NXPH1: variants seen among roughly 807,000 people sequenced by gnomAD.
The protein encoded by NXPH1 is neurexophilin-1.
Under a neutral mutation model 23.7 loss-of-function variants are expected in NXPH1, and 5 were observed. The ratio of observed to expected loss-of-function variants is 0.21; its 90% CI spans 0.11 to 0.44. NXPH1 has a LOEUF of 0.44. Among genes scored for constraint, NXPH1 ranks in the 20% least tolerant of loss-of-function variants. NXPH1 has a pLI of 0.99. For missense variants in NXPH1, 324 were observed against 321.6 expected, an observed-to-expected ratio of 1.01 and a Z score of -0.06; for synonymous variants, 144 against 122.2, an observed-to-expected ratio of 1.18 and a Z score of -1.18.
intron 2 of NXPH1, among the ~76,000 whole-genome samples, chr7:8,700,174 T>C (rs928644429): frequency 1.8e-4 from 27 of 152,278 alleles, no homozygotes; most frequent in African/African-American, 6.3e-4. Flanking sequence ...TGTAAACTCT[T>C]CCTATTTAGG....
intron 2 of NXPH1, among the ~76,000 whole-genome samples, chr7:8,656,964 AT>A (rs1212617540): frequency 6.6e-6 from 1 of 152,062 alleles, no homozygotes; most frequent in Non-Finnish European, 1.5e-5. Context: ...TGGATTTTTT[AT>A]TTTGGTCCTC....
At chr7:8,559,367 G>A (rs890326686) in intron 2 of NXPH1, among the ~76,000 whole-genome samples, 15 of 151,690 alleles carry the variant, frequency 9.9e-5, no homozygotes, top group Admixed American at 3.9e-4. Context: ...TAGAAGATCT[G>A]TATTTACAAT....
chr7:8,587,119 C>A (rs548431824), intron 2 of NXPH1, among the ~76,000 whole-genome samples: 1 of 152,052 alleles, frequency 6.6e-6, no homozygotes, highest in African/African-American at 2.4e-5. Context: ...TTCAAAATGA[C>A]ATTTCATTTC....
intron 2 of NXPH1, among the ~76,000 whole-genome samples, chr7:8,725,804 A>ATT (rs34868585): frequency 6.6e-6 from 1 of 151,082 alleles, no homozygotes; most frequent in Admixed American, 6.6e-5. Context: ...ATCTTTACCT[A>ATT]TTTTTTTTTA....
chr7:8,718,139 A>T (rs1779908363), intron 2 of NXPH1, among the ~76,000 whole-genome samples: 1 of 152,130 alleles, frequency 6.6e-6, no homozygotes, highest in South Asian at 2.1e-4. Flanking sequence ...CTCTCTCAAC[A>T]TAGAGTATTT....
chr7:8,725,547 T>C (rs1031929307), intron 2 of NXPH1, among the ~76,000 whole-genome samples: 2 of 152,128 alleles, frequency 1.3e-5, no homozygotes, highest in South Asian at 2.1e-4. Context: ...GATGTGTTTT[T>C]ACCACTTCTT....
chr7:8,547,982 T>C (rs1450175123), intron 2 of NXPH1, among the ~76,000 whole-genome samples: 1 of 151,598 alleles, frequency 6.6e-6, no homozygotes, highest in Non-Finnish European at 1.5e-5. Flanking sequence ...TATGATTTAT[T>C]TTCCTTTGGG....
intron 2 of NXPH1, among the ~76,000 whole-genome samples, chr7:8,668,838 G>A (rs1820821996): frequency 6.6e-6 from 1 of 152,108 alleles, no homozygotes; most frequent in African/African-American, 2.4e-5. Context: ...GGGTTCATGA[G>A]GGCTACCCTA....
intron 2 of NXPH1, among the ~76,000 whole-genome samples, chr7:8,629,932 C>T (rs988062888): frequency 7.9e-5 from 12 of 152,158 alleles, no homozygotes; most frequent in African/African-American, 2.6e-4. Flanking sequence ...ATATTCTTGG[C>T]CTGAATAGCT....
intron 2 of NXPH1, among the ~76,000 whole-genome samples, chr7:8,539,162 G>A (rs1818072577): frequency 6.6e-6 from 1 of 151,826 alleles, no homozygotes; most frequent in Non-Finnish European, 1.5e-5. Flanking sequence ...AGGTGGAAGG[G>A]GAGGAGTTGA....
At chr7:8,666,968 T>C (rs1172963203) in intron 2 of NXPH1, among the ~76,000 whole-genome samples, 1 of 152,080 alleles carries the variant, frequency 6.6e-6, no homozygotes, top group Non-Finnish European at 1.5e-5. Flanking sequence ...TTTGTTCATC[T>C]ACTATAGGTT....
intron 2 of NXPH1, among the ~76,000 whole-genome samples, chr7:8,538,313 C>G (rs1266988706): frequency 6.6e-6 from 1 of 151,920 alleles, no homozygotes; most frequent in Non-Finnish European, 1.5e-5. Flanking sequence ...CCCTTCTTGT[C>G]TTTTCCTCCA....
chr7:8,494,497 C>G (rs1327018538), intron 2 of NXPH1, among the ~76,000 whole-genome samples: 1 of 151,964 alleles, frequency 6.6e-6, no homozygotes, highest in Non-Finnish European at 1.5e-5. Flanking sequence ...ATGCCTTCTT[C>G]ATAGATATTT....
intron 2 of NXPH1, among the ~76,000 whole-genome samples, chr7:8,661,637 G>A (rs1820675601): frequency 6.6e-6 from 1 of 152,068 alleles, no homozygotes; most frequent in South Asian, 2.1e-4. Flanking sequence ...TAAAAAGTCA[G>A]TGTAAAACAA....
intron 2 of NXPH1, among the ~76,000 whole-genome samples, chr7:8,465,752 A>T (rs953075781): frequency 1.3e-5 from 2 of 152,350 alleles, no homozygotes; most frequent in Non-Finnish European, 2.9e-5. Flanking sequence ...CCTGCTTTCT[A>T]ATTATTCCCT....
rs540013275 is a variant in NXPH1, at chr7:8,662,926, A to G, written c.55-88082A>G. Among the ~76,000 whole-genome samples, 4 of 150,658 alleles carry G rather than the reference A, an allele frequency of 2.7e-5. No homozygotes were observed. The East Asian group carries it at 5.8e-4, about 22-fold the overall frequency. Reference sequence around the variant, plus strand: ...TTTTAACAAGTGAGGACATTTCTGTATAAGATTATCTTATCCATGTTTTTA... The same window carrying G: ...TTTTAACAAGTGAGGACATTTCTGTGTAAGATTATCTTATCCATGTTTTTA... On this transcript the variant is annotated intron_variant, in intron 2 of 2. Transcript: ENST00000405863.
intron 2 of NXPH1, among the ~76,000 whole-genome samples, chr7:8,596,952 T>C (rs1819239636): frequency 6.6e-6 from 1 of 152,130 alleles, no homozygotes; most frequent in Admixed American, 6.6e-5. Flanking sequence ...AAGGAACTAT[T>C]AATATTATTT....
intron 2 of NXPH1, among the ~76,000 whole-genome samples, chr7:8,712,105 T>G (rs1779805725): frequency 1.3e-5 from 2 of 152,232 alleles, no homozygotes; most frequent in African/African-American, 4.8e-5. Flanking sequence ...TGACATGTGC[T>G]AATGTGACTA....
intron 2 of NXPH1, among the ~76,000 whole-genome samples, chr7:8,669,266 T>C (rs1820828946): frequency 6.6e-6 from 1 of 152,142 alleles, no homozygotes; most frequent in Non-Finnish European, 1.5e-5. Context: ...TAGCTAGCCC[T>C]GTGTGGACCT....
Sources: allele counts gnomAD v4.1 joint callset (sites outside exome capture counted in the v4.1 genomes callset), GRCh38; gene constraint gnomAD v4.1.1; transcripts MANE v1.5; gene names NCBI Gene and HGNC (gene_info 2026-07-23, HGNC 2026-07-21).